Variants in FMO5 observed in about 807,000 individuals in gnomAD.
FMO5 encodes flavin-containing monooxygenase 5.
A neutral mutation model predicts 43.6 loss-of-function variants in FMO5; 51 were observed. That is an observed-to-expected ratio of 1.17 (90% confidence interval 0.93 to 1.48). The LOEUF is 1.48. Among genes scored for constraint, FMO5 ranks in the 40% most tolerant of loss-of-function variants. The pLI is 0.00. For synonymous variants in FMO5, 187 were observed against 216.5 expected, an observed-to-expected ratio of 0.86 and a Z score of 1.20; for missense variants, 644 against 643.0, an observed-to-expected ratio of 1.00 and a Z score of -0.02.
chr1:147,192,190 G>A (rs587622990), intron 7 of FMO5, among the ~76,000 whole-genome samples: 1 of 152,084 alleles, frequency 6.6e-6, no homozygotes, highest in East Asian at 1.9e-4. Flanking sequence ...ATTTCATTGA[G>A]CAGTGGTTTG....
At chr1:147,214,470 A>AAC (rs1661627582) in intron 3 of FMO5, among the ~76,000 whole-genome samples, 1 of 149,930 alleles carries the variant, frequency 6.7e-6, no homozygotes, top group African/African-American at 2.5e-5. Context: ...AAAAAACAAA[A>AAC]AAAAAAAGAG....
rs1303141866 is a variant in FMO5, at chr1:147,186,639, A to C, written c.*261T>G. ...CAAGAACTCTGCTAAAGACATACAA[A>C]GATGACTAAAAGAGTACCTGAGCTC... On this transcript the variant is annotated 3_prime_UTR_variant, in exon 9 of 9. Coordinates refer to ENST00000254090, the MANE Select transcript of FMO5 (RefSeq NM_001461.4). The C allele has an allele frequency of 8.0e-7, 1 of 1,252,764 alleles. No homozygotes were observed. The highest frequency in any genetic ancestry group is 1.0e-6 in the Non-Finnish European group (1 of 995,818). The allele number at this position is 1,252,764 out of a possible 1,614,324, so 77.6% of individuals were successfully genotyped here. A position where few individuals can be genotyped will look rare whatever the true frequency, so the allele number is the denominator to read the frequency against.
chr1:147,213,846 C>G (rs1661487234), intron 3 of FMO5, among the ~76,000 whole-genome samples: 1 of 152,072 alleles, frequency 6.6e-6, no homozygotes, highest in Admixed American at 6.6e-5. Context: ...TGTCCTGAGA[C>G]CTTCTGATGT....
intron 7 of FMO5, among the ~76,000 whole-genome samples, chr1:147,198,868 A>G (rs909829198): frequency 1.3e-4 from 19 of 146,190 alleles, no homozygotes; most frequent in Admixed American, 1.4e-4. Flanking sequence ...AAAAAAAAAA[A>G]AAAAAAAGAA....
At chr1:147,224,807 G>C (rs1290173183) in intron 2 of FMO5, 88 bp downstream of exon 2, 1 of 1,368,580 alleles carries the variant, frequency 7.3e-7, no homozygotes, top group African/African-American at 1.4e-5. Context: ...AACCGCGCCC[G>C]GCCACCTGAC....
chr1:147,218,876 C>A (rs1662484221), intron 2 of FMO5, among the ~76,000 whole-genome samples: 1 of 152,176 alleles, frequency 6.6e-6, no homozygotes, highest in Admixed American at 6.5e-5. Context: ...TTCAACAAGA[C>A]TTTTCTAATT....
At chr1:147,189,305 T>C (rs1571141186) in intron 8 of FMO5, among the ~76,000 whole-genome samples, 1 of 147,960 alleles carries the variant, frequency 6.8e-6, no homozygotes, top group South Asian at 2.1e-4. Flanking sequence ...GGAGTAAGGA[T>C]GGAAGTTAAC....
At chr1:147,210,263 G>A (rs1446509535) in intron 5 of FMO5, 1 of 152,188 alleles carries the variant, frequency 6.6e-6, no homozygotes, top group Non-Finnish European at 1.5e-5. Context: ...AAATAAGATT[G>A]CTAGTGGAAC....
chr1:147,194,576 T>G (rs1657588642), intron 7 of FMO5, among the ~76,000 whole-genome samples: 2 of 152,164 alleles, frequency 1.3e-5, no homozygotes, highest in African/African-American at 4.8e-5. Context: ...ATTTTGCTTG[T>G]TAGTTGATGC....
chr1:147,187,536 G>T (rs896988641), intron 8 of FMO5, among the ~76,000 whole-genome samples: 1 of 152,128 alleles, frequency 6.6e-6, no homozygotes, highest in Non-Finnish European at 1.5e-5. Context: ...TGAAGGATGT[G>T]AAAGATACAG....
rs193035056 is a variant in FMO5, at chr1:147,215,772, T to C, written c.306A>G (p.Leu102=). 2 of 1,607,134 alleles carry C rather than the reference T, an allele frequency of 1.2e-6. No individual in the cohort carries two copies. Among genetic ancestry groups the C allele is most frequent in the Admixed American group, 3.4e-5 (2 of 58,184 alleles). The part of the protein sequence containing the change: ...FRMYAKEFDL[L]KYIRFKTTVC... ...TTTCTACCTTAAATCGAATATACTTTAGAAGGTCAAATTCTTTGGCATACA... is the reference window on the plus strand; with the variant it reads ...TTTCTACCTTAAATCGAATATACTTCAGAAGGTCAAATTCTTTGGCATACA... The change falls in exon 3 of 9, where the codon CTA becomes CTG. Residue 102 remains leucine, a synonymous_variant. Coordinates refer to ENST00000254090, the MANE Select transcript of FMO5 (RefSeq NM_001461.4).
At position 147,186,935 on chromosome 1, in the gene FMO5, G is replaced by C. The variant is rs1390154956; in HGVS notation, c.1567C>G (p.Leu523Val). The C allele has an allele frequency of 3.1e-6, 5 of 1,613,974 alleles. No homozygotes were observed. In the African/African-American group the frequency reaches 6.7e-5, roughly 22 times the overall value. ...GCTATAATTATAGCAAAGAAGGCAA[G>C]AGCTAGCATAAACTTGCCTATTGTC... ...TMTIGKFMLA[L>V]AFFAIIIAYF The change falls in exon 9 of 9, where the codon CTT (leucine) becomes GTT (valine). Residue 523 changes from leucine (L) to valine (V), a missense_variant. Coordinates refer to ENST00000254090, the MANE Select transcript of FMO5 (RefSeq NM_001461.4).
chr1:147,214,513 A>G lies in FMO5; in HGVS notation c.325-1043T>C, dbSNP rs193121569. On this transcript the variant is annotated intron_variant, in intron 3 of 8. Transcript: ENST00000254090. ...CCACCCCTGCATGCACTAGCAATCC[A>G]GCACTATTTATAGTTCCTCTATCAT... is the stretch of plus-strand genomic sequence containing the variant. 8.6e-5 allele frequency among the ~76,000 whole-genome samples: 13 copies of G among 151,552 alleles called. No homozygotes were observed. The East Asian group carries it at 2.3e-3, about 27-fold the overall frequency.
upstream of FMO5, among the ~76,000 whole-genome samples, chr1:147,226,193 C>T (rs4143740): frequency 0.67 from 101,144 of 150,988 alleles, 34,875 homozygotes; most frequent in African/African-American, 0.84. Flanking sequence ...GCAGTAGTAG[C>T]AGTGGTCTCC....
chr1:147,204,571 A>G (rs1451906993), intron 6 of FMO5: 2 of 1,590,022 alleles, frequency 1.3e-6, no homozygotes, highest in African/African-American at 1.3e-5. Flanking sequence ...TGACAGGCCA[A>G]TCCTCAGAAG....
downstream of FMO5, among the ~76,000 whole-genome samples, chr1:147,185,853 C>T (rs1467093770): frequency 1.3e-5 from 2 of 152,170 alleles, no homozygotes; most frequent in Non-Finnish European, 2.9e-5. Context: ...GGGATGTAAA[C>T]CCAAGTACCT....
Position 147,190,199 on chromosome 1 carries a change from C to T in FMO5, c.1234G>A (p.Ala412Thr). 2 of 1,611,110 alleles carry T rather than the reference C, an allele frequency of 1.2e-6. No individual in the cohort carries two copies. Among genetic ancestry groups the T allele is most frequent in the Non-Finnish European group, 1.7e-6 (2 of 1,178,006 alleles). ...TACCTTTTGTCAATTTCCTCTTGAG[C>T]TTTAGATATTTCTGCCATCATTTCA... Reference protein sequence around the residue: ...QSEMMAEISKAQEEIDKRYVE... With the variant: ...QSEMMAEISKTQEEIDKRYVE... Residue 412 changes from alanine (A) to threonine (T), a missense_variant, in exon 8 of 9, where the codon GCT becomes ACT. Ala to Thr is a moderately conservative substitution (Grantham distance 58). Transcript: ENST00000254090.
chr1:147,184,477 C>T (rs1655448993), downstream of FMO5: 2 of 1,503,836 alleles, frequency 1.3e-6, no homozygotes, highest in Non-Finnish European at 1.8e-6. The surrounding 1 kb of genome is among the most constrained non-coding windows in gnomAD (Gnocchi z 4.4). Flanking sequence ...CAGGATACTA[C>T]ATTACATTTA....
At chr1:147,188,191 A>G (rs1655967963) in intron 8 of FMO5, among the ~76,000 whole-genome samples, 1 of 152,152 alleles carries the variant, frequency 6.6e-6, no homozygotes, top group Admixed American at 6.5e-5. Context: ...GTTTGTAGAC[A>G]TGCATTTATT....
Sources: gnomAD v4.1 joint callset for allele counts (sites outside exome capture counted in the v4.1 genomes callset) on GRCh38, gnomAD v4.1.1 for gene constraint, Gnocchi (gnomAD v3.1) non-coding constraint, MANE v1.5 for transcripts, NCBI Gene and HGNC (gene_info 2026-07-23, HGNC 2026-07-21) for gene names.